Variants in TMEM62 observed in about 807,000 individuals in gnomAD.
TMEM62 encodes the protein transmembrane protein 62.
Under a neutral mutation model 70.4 loss-of-function variants are expected in TMEM62, and 41 were observed. The ratio of observed to expected loss-of-function variants is 0.58; its 90% CI spans 0.45 to 0.76. The LOEUF (loss-of-function observed/expected upper bound fraction) is 0.76, where lower values mean the gene tolerates loss of function less well. Ranked by LOEUF, TMEM62 falls within the 30% of genes least tolerant of loss-of-function variation. TMEM62 has a pLI of 0.00. For missense variants in TMEM62, 688 were observed against 788.5 expected (o/e 0.87, Z 1.53); for synonymous variants, 268 against 291.0 (o/e 0.92, Z 0.80).
intron 11 of TMEM62, among the ~76,000 whole-genome samples, chr15:43,177,643 C>T (rs1260613341): frequency 6.6e-6 from 1 of 152,070 alleles, no homozygotes; most frequent in Admixed American, 6.5e-5. Flanking sequence ...AAATGTGGCA[C>T]ATATACACCA....
At chr15:43,168,519 G>T (rs1044750680) in intron 10 of TMEM62, among the ~76,000 whole-genome samples, 6 of 152,222 alleles carry the variant, frequency 3.9e-5, no homozygotes, top group African/African-American at 7.2e-5. Context: ...CCATCCAGGA[G>T]TGAGGGCCTG....
At chr15:43,142,164 CTTTTTTTTT>C in intron 4 of TMEM62, among the ~76,000 whole-genome samples, 1 of 83,600 alleles carries the variant, frequency 1.2e-5, no homozygotes, top group East Asian at 3.3e-4. Flanking sequence ...TAGAGAAATT[CTTTTTTTTT>C]TTTTTTTTTT....
chr15:43,148,841 T>A lies in TMEM62; in HGVS notation c.705T>A (p.Thr235=). The A allele has an allele frequency of 6.2e-7, 1 of 1,614,038 alleles. No homozygotes were observed. The highest frequency in any genetic ancestry group is 1.1e-5 in the South Asian group (1 of 91,006). Residue 235 remains threonine, a synonymous_variant, in exon 6 of 14, where the codon ACT becomes ACA. Coordinates refer to ENST00000260403, the MANE Select transcript of TMEM62 (RefSeq NM_024956.4). ...GGTTTGGACACTTTACAACATCCAC[T>A]ATTCTTTCTCCATCACCAGGAATCC... ...TIWFGHFTTS[T]ILSPSPGIRS...
chr15:43,144,984 GA>G (rs994987893), intron 4 of TMEM62, among the ~76,000 whole-genome samples: 12 of 147,160 alleles, frequency 8.2e-5, no homozygotes, highest in African/African-American at 2.5e-4. Context: ...CCAATCTGAA[GA>G]AAAAAAATTA....
At chr15:43,149,551 T>G (rs2037107776) in intron 7 of TMEM62, among the ~76,000 whole-genome samples, 1 of 150,220 alleles carries the variant, frequency 6.7e-6, no homozygotes. Context: ...CTGCCCAGAG[T>G]AGCTGAGATT....
At position 43,184,516 on chromosome 15, in the gene TMEM62, AT is replaced by A; in HGVS notation, c.1863del (p.Tyr621Ter). ...LTLLTPVLIR[Y>X]VWTLNSTKFG... ...CTGCTGACACCTGTTCTCATTCGTT[AT>A]GTGTGGACACTGAACTCCACCAAGT... is the stretch of plus-strand genomic sequence containing the variant. On this transcript the variant is annotated frameshift_variant, in exon 14 of 14. Coordinates refer to ENST00000260403, the MANE Select transcript of TMEM62 (RefSeq NM_024956.4). LOFTEE classifies it high-confidence loss of function. 6.2e-7 allele frequency: 1 copy of A among 1,613,562 alleles called. No homozygotes were observed. The highest frequency in any genetic ancestry group is 1.1e-5 in the South Asian group (1 of 91,082).
intron 7 of TMEM62, 27 bp downstream of exon 7, chr15:43,149,178 A>G: frequency 1.9e-6 from 3 of 1,608,154 alleles, no homozygotes; most frequent in Non-Finnish European, 2.5e-6. Flanking sequence ...ATAGAAGAAA[A>G]CTTATACACA....
intron 7 of TMEM62, among the ~76,000 whole-genome samples, chr15:43,151,319 GAAA>G (rs896405823): frequency 1.9e-5 from 1 of 53,412 alleles, no homozygotes; most frequent in Non-Finnish European, 4.2e-5. Flanking sequence ...TCAAAAATAA[GAAA>G]AAAAAAAAAA....
At chr15:43,140,968 C>T (rs1470009311) in intron 4 of TMEM62, among the ~76,000 whole-genome samples, 3 of 152,220 alleles carry the variant, frequency 2.0e-5, no homozygotes, top group Non-Finnish European at 4.4e-5. Flanking sequence ...TAGTCAGGGC[C>T]CGCTGGAGAC....
At chr15:43,153,880 A>G (rs898904886) in intron 8 of TMEM62, among the ~76,000 whole-genome samples, 2 of 152,134 alleles carry the variant, frequency 1.3e-5, no homozygotes, top group Non-Finnish European at 2.9e-5. Flanking sequence ...GCTGGATCAT[A>G]TGGTAATTAT....
chr15:43,156,211 G>C (rs959944580), intron 9 of TMEM62, among the ~76,000 whole-genome samples: 1 of 152,178 alleles, frequency 6.6e-6, no homozygotes, highest in Non-Finnish European at 1.5e-5. Context: ...GACAGGTTGA[G>C]TAGGAAGAAA....
intron 4 of TMEM62, among the ~76,000 whole-genome samples, chr15:43,143,130 T>G (rs1293909825): frequency 1.3e-5 from 2 of 152,064 alleles, no homozygotes; most frequent in Non-Finnish European, 2.9e-5. Context: ...GGCACCATCT[T>G]GGCTCACTGC....
chr15:43,141,129 C>A (rs2035950236), intron 4 of TMEM62, among the ~76,000 whole-genome samples: 1 of 152,232 alleles, frequency 6.6e-6, no homozygotes, highest in Non-Finnish European at 1.5e-5. Context: ...CCCATCTCAT[C>A]CTCAGTCAGC....
In TMEM62 at chr15:43,134,447, T is replaced by G. The variant is rs748999856; in HGVS notation, c.292+79T>G. 2.6e-6 allele frequency: 3 copies of G among 1,134,752 alleles called. No homozygotes were observed. The East Asian group carries it at 7.2e-5, about 27-fold the overall frequency. The allele number at this position is 1,134,752 out of a possible 1,614,324, so 70.3% of individuals were successfully genotyped here. A position where few individuals can be genotyped will look rare whatever the true frequency, so the allele number is the denominator to read the frequency against. On this transcript the variant is annotated intron_variant, in intron 2 of 13. Transcript: ENST00000260403. ...CTAGCCAGGGCTGTGGCTTTTCATT[T>G]TGGGGACGTTGGGAGCAGTATAGCC...
intron 10 of TMEM62, among the ~76,000 whole-genome samples, chr15:43,168,168 G>T (rs1421735893): frequency 1.4e-5 from 1 of 72,006 alleles, no homozygotes; most frequent in East Asian, 3.3e-4. Flanking sequence ...AGAGGGAGAG[G>T]GAGACGGAGA....
At chr15:43,170,399 C>T (rs1483355996) in intron 11 of TMEM62, among the ~76,000 whole-genome samples, 2 of 152,070 alleles carry the variant, frequency 1.3e-5, no homozygotes, top group Non-Finnish European at 2.9e-5. Flanking sequence ...CCTTGGGAGG[C>T]ATGCCAAAGA....
chr15:43,179,371 T>A (rs2041124121), intron 12 of TMEM62, among the ~76,000 whole-genome samples: 1 of 152,246 alleles, frequency 6.6e-6, no homozygotes, highest in African/African-American at 2.4e-5. Context: ...AGTTCAGGCA[T>A]ATCTGCACTC....
intron 4 of TMEM62, chr15:43,146,223 A>G: frequency 3.4e-6 from 1 of 290,796 alleles, no homozygotes; most frequent in Non-Finnish European, 6.4e-6. Context: ...CTTTTTGAAC[A>G]TTTAATGGAC....
chr15:43,181,045 G>T, intron 12 of TMEM62, 136 bp from the exon 13 acceptor site: 1 of 676,422 alleles, frequency 1.5e-6, no homozygotes. Context: ...AGCAAAGAGG[G>T]AAGGCTATGA....
Sources: allele counts gnomAD v4.1 joint callset (sites outside exome capture counted in the v4.1 genomes callset), GRCh38; gene constraint gnomAD v4.1.1; transcripts MANE v1.5; gene names NCBI Gene and HGNC (gene_info 2026-07-23, HGNC 2026-07-21).